Variants in PRKCZ observed in about 807,000 individuals in gnomAD.
PRKCZ encodes protein kinase C zeta type.
PRKCZ carries 33 observed loss-of-function variants against 79.5 expected under a neutral mutation model. That is an observed-to-expected ratio of 0.41 (90% CI 0.31 to 0.55). The LOEUF is 0.55. Among genes scored for constraint, PRKCZ ranks in the 20% least tolerant of loss-of-function variants. The probability of loss-of-function intolerance (pLI) is 0.19; values close to 1 mark genes in which losing one functional copy is unlikely to be tolerated. For synonymous variants in PRKCZ, 342 were observed against 320.9 expected (o/e 1.07, Z -0.70); for missense variants, 578 against 813.5 (o/e 0.71, Z 3.52).
rs760911248 is a variant in PRKCZ at position 2,185,139 on chromosome 1, A to C, written c.*130A>C. The C allele has an allele frequency of 5.5e-6, 5 of 907,566 alleles. No individual in the cohort carries two copies. The highest frequency in any genetic ancestry group is 8.6e-6 in the Non-Finnish European group (5 of 580,126). The allele number at this position is 907,566 out of a possible 1,614,324, so 56.2% of individuals were successfully genotyped here. On this transcript the variant is annotated 3_prime_UTR_variant, in exon 18 of 18. Transcript: ENST00000378567. ...GGACAGACGCTTGCGCCGAGACCGC[A>C]GAGGGAAGCGTCAGCGGGCGCTGCT...
intron 4 of PRKCZ, among the ~76,000 whole-genome samples, chr1:2,072,438 G>A (rs528188345): frequency 3.3e-5 from 5 of 152,314 alleles, no homozygotes; most frequent in African/African-American, 1.2e-4. Flanking sequence ...GGGGCCATGC[G>A]GGCAAGCGCC....
At chr1:2,135,132 C>T in intron 4 of PRKCZ, 130 bp from the exon 5 acceptor site, 1 of 710,344 alleles carries the variant, frequency 1.4e-6, no homozygotes, top group African/African-American at 1.8e-5. Context: ...TCATTCCAGC[C>T]CTGCCTTCCC....
intron 4 of PRKCZ, among the ~76,000 whole-genome samples, chr1:2,114,145 A>G (rs1456213955): frequency 1.4e-5 from 1 of 71,250 alleles, no homozygotes; most frequent in South Asian, 5.9e-4. Context: ...CCACCCTCCC[A>G]CCCCAGCTTT....
intron 11 of PRKCZ, among the ~76,000 whole-genome samples, chr1:2,171,047 T>C (rs1336203931): frequency 6.6e-6 from 1 of 152,122 alleles, no homozygotes; most frequent in Non-Finnish European, 1.5e-5. Flanking sequence ...ATTCCATATT[T>C]AGGCCGGGCG....
At chr1:2,159,306 C>G (rs1244997701) in intron 10 of PRKCZ, among the ~76,000 whole-genome samples, 3 of 152,260 alleles carry the variant, frequency 2.0e-5, no homozygotes, top group Admixed American at 1.3e-4. Context: ...TGGGTGTGCT[C>G]GGCTGTGCCG....
Position 2,185,089 on chromosome 1 carries a change from TG to T in PRKCZ, c.*83del, listed in dbSNP as rs1437785042. 2 of 1,363,148 alleles carry T rather than the reference TG, an allele frequency of 1.5e-6. No individual in the cohort carries two copies. Among genetic ancestry groups the T allele is most frequent in the Admixed American group, 2.0e-5 (1 of 50,718 alleles). The allele number at this position is 1,363,148 out of a possible 1,614,324, so 84.4% of individuals were successfully genotyped here. Reference sequence around the variant, plus strand: ...TAACCACCGCATATGCATGCCAGGCTGGGCACGGCTCCGAGGGCGGCCAGGG... The same window carrying T: ...TAACCACCGCATATGCATGCCAGGCTGGCACGGCTCCGAGGGCGGCCAGGG... On this transcript the variant is annotated 3_prime_UTR_variant, in exon 18 of 18. Transcript: ENST00000378567.
chr1:2,180,554 T>C (rs941809093), intron 16 of PRKCZ, among the ~76,000 whole-genome samples: 35 of 145,100 alleles, frequency 2.4e-4, no homozygotes, highest in South Asian at 4.5e-4. Context: ...CGTGGATGCA[T>C]GGACGACGTG....
chr1:2,114,831 G>A (rs569257909), intron 4 of PRKCZ, among the ~76,000 whole-genome samples: 7 of 152,280 alleles, frequency 4.6e-5, no homozygotes, highest in East Asian at 3.9e-4. Flanking sequence ...GCCGCCTGCC[G>A]TTGGGTTTCA....
intron 4 of PRKCZ, among the ~76,000 whole-genome samples, chr1:2,098,193 T>TA (rs1666858373): frequency 6.6e-6 from 1 of 152,152 alleles, no homozygotes; most frequent in Non-Finnish European, 1.5e-5. Context: ...CAAGGATATG[T>TA]AAAGTACAAG....
At chr1:2,098,027 GT>G (rs1404530042) in intron 4 of PRKCZ, among the ~76,000 whole-genome samples, 2 of 152,070 alleles carry the variant, frequency 1.3e-5, no homozygotes, top group Non-Finnish European at 2.9e-5. Flanking sequence ...GGGGTGAATA[GT>G]TTGACGGGAA....
At chr1:2,065,307 C>T (rs1261209200) in intron 4 of PRKCZ, among the ~76,000 whole-genome samples, 1 of 152,242 alleles carries the variant, frequency 6.6e-6, no homozygotes, top group African/African-American at 2.4e-5. Flanking sequence ...TTACTTTTTC[C>T]TTCCTAATTT....
chr1:2,119,805 A>G (rs1165000420), intron 4 of PRKCZ, among the ~76,000 whole-genome samples: 5 of 81,474 alleles, frequency 6.1e-5, no homozygotes, highest in Non-Finnish European at 1.2e-4. Context: ...TTTTTTTTTG[A>G]GATGGATTTT....
rs1023482266 is a variant in PRKCZ at position 2,125,549 on chromosome 1, A to G, written c.335-9713A>G. Reference sequence around the variant, plus strand: ...CCCACCCCTGCTCCCCTGAGGAGGGAGGCGTGGGGCCCTGGGCTGGCTGCA... The same window carrying G: ...CCCACCCCTGCTCCCCTGAGGAGGGGGGCGTGGGGCCCTGGGCTGGCTGCA... On this transcript the variant is annotated intron_variant, in intron 4 of 17. Transcript: ENST00000378567. This position sits in a 1 kb window ranked among gnomAD's most constrained non-coding sequence, Gnocchi z 4.2. 6.6e-6 allele frequency among the ~76,000 whole-genome samples: 1 copy of G among 152,000 alleles called. No individual in the cohort carries two copies. The highest frequency in any genetic ancestry group is 1.5e-5 in the Non-Finnish European group (1 of 68,006).
chr1:2,088,904 T>C (rs6701689), intron 4 of PRKCZ, among the ~76,000 whole-genome samples: 62,020 of 152,174 alleles, frequency 0.41, 14,649 homozygotes, highest in East Asian at 0.96. Flanking sequence ...AAATTGCTCT[T>C]GCTTGTACTC....
intron 4 of PRKCZ, among the ~76,000 whole-genome samples, chr1:2,121,479 G>GGATCATGGTGGTAC (rs1168374841): frequency 1.4e-3 from 215 of 150,878 alleles, no homozygotes; most frequent in South Asian, 4.5e-3. Context: ...GCGGTAGTTA[G>GGATCATGGTGGTAC]TTAGGGTCAC....
chr1:2,124,938 C>T (rs183395347), intron 4 of PRKCZ, among the ~76,000 whole-genome samples: 3 of 152,278 alleles, frequency 2.0e-5, no homozygotes, highest in Non-Finnish European at 4.4e-5. Flanking sequence ...CCTCGCGTGG[C>T]GTCCCTGGCC....
intron 5 of PRKCZ, among the ~76,000 whole-genome samples, chr1:2,140,731 G>A (rs1677145168): frequency 6.6e-6 from 1 of 152,234 alleles, no homozygotes; most frequent in South Asian, 2.1e-4. Context: ...CACTTTGGGA[G>A]GCTGGAGCGG....
rs1659559567 is a variant in PRKCZ at position 2,050,720 on chromosome 1, G to A, written c.71+19G>A. 1 of 1,206,666 alleles carries A rather than the reference G, an allele frequency of 8.3e-7. No individual in the cohort carries two copies. Among genetic ancestry groups the A allele is most frequent in the Non-Finnish European group, 1.0e-6 (1 of 965,984 alleles). The allele number at this position is 1,206,666 out of a possible 1,614,324, so 74.7% of individuals were successfully genotyped here. On this transcript the variant is annotated intron_variant, in intron 1 of 17. Coordinates refer to ENST00000378567, the MANE Select transcript of PRKCZ (RefSeq NM_002744.6). ...ACGGGGGGTGAGCGGCGGAGAGGGCGGGGAGCGGCGCGGGTGAGGCAGGGA... is the reference window on the plus strand; with the variant it reads ...ACGGGGGGTGAGCGGCGGAGAGGGCAGGGAGCGGCGCGGGTGAGGCAGGGA...
chr1:2,093,337 C>T (rs983522088), intron 4 of PRKCZ, among the ~76,000 whole-genome samples: 6 of 152,126 alleles, frequency 3.9e-5, no homozygotes, highest in South Asian at 2.1e-4. Context: ...TCTTGGCGGG[C>T]GGCTAGTGTC....
Sources: gnomAD v4.1 joint callset for allele counts (sites outside exome capture counted in the v4.1 genomes callset) on GRCh38, gnomAD v4.1.1 for gene constraint, Gnocchi (gnomAD v3.1) non-coding constraint, MANE v1.5 for transcripts, NCBI Gene and HGNC (gene_info 2026-07-23, HGNC 2026-07-21) for gene names.